The following ADHFE1 variants were observed in gnomAD, a reference collection of about 807,000 sequenced individuals.
The protein encoded by ADHFE1 is hydroxyacid-oxoacid transhydrogenase, mitochondrial.
In ADHFE1, 37 loss-of-function variants were observed where a neutral mutation model predicts 54.8. The ratio of observed to expected loss-of-function variants is 0.68; its 90% CI spans 0.52 to 0.89. The LOEUF is 0.89. ADHFE1 is among the 40% of genes least tolerant of loss of function. ADHFE1 has a pLI of 0.00. For synonymous variants in ADHFE1, 203 were observed against 229.3 expected (o/e 0.89, Z 1.04); for missense variants, 601 against 591.2 (o/e 1.02, Z -0.17).
At position 66,439,577 on chromosome 8, in the gene ADHFE1, G is replaced by T. The variant is rs1173016816; in HGVS notation, c.60-585G>T. 5.1e-6 allele frequency: 5 copies of T among 985,934 alleles called. No individual in the cohort carries two copies. The highest frequency in any genetic ancestry group is 6.0e-6 in the Non-Finnish European group (5 of 830,394). 61.1% of individuals were successfully genotyped at this position (985,934 alleles called of 1,614,324 possible). On this transcript the variant is annotated intron_variant, in intron 1 of 13. Coordinates refer to ENST00000396623, the MANE Select transcript of ADHFE1 (RefSeq NM_144650.3). The surrounding 1 kb of genome is among the most constrained non-coding windows in gnomAD (Gnocchi z 4.4). ...GCTGGGGCCTCTGGGGAGCGGCGCGGCGGGGACGGAGGAGAGCTCGGAGCC... is the reference window on the plus strand; with the variant it reads ...GCTGGGGCCTCTGGGGAGCGGCGCGTCGGGGACGGAGGAGAGCTCGGAGCC...
intron 1 of ADHFE1, among the ~76,000 whole-genome samples, chr8:66,436,334 G>T (rs4737228): frequency 0.1 from 15,237 of 152,202 alleles, 894 homozygotes; most frequent in East Asian, 0.26. Context: ...TACTCACTGA[G>T]AAGGTAATGG....
intron 13 of ADHFE1, among the ~76,000 whole-genome samples, chr8:66,462,494 C>T (rs1225588622): frequency 6.6e-6 from 1 of 152,188 alleles, no homozygotes; most frequent in Non-Finnish European, 1.5e-5. Context: ...TCAAGCAATC[C>T]TCCTGCCTTG....
intron 13 of ADHFE1, among the ~76,000 whole-genome samples, chr8:66,467,680 G>C (rs577827645): frequency 6.6e-6 from 1 of 152,280 alleles, no homozygotes; most frequent in African/African-American, 2.4e-5. Context: ...CTACTGACCA[G>C]AGTATAAATA....
chr8:66,457,245 A>G, intron 12 of ADHFE1, 79 bp downstream of exon 12: 4 of 1,364,510 alleles, frequency 2.9e-6, no homozygotes, highest in Non-Finnish European at 4.1e-6. Flanking sequence ...TTGGGAGGCT[A>G]AGTTGGGTGC....
intron 7 of ADHFE1, 120 bp from the exon 8 acceptor site, chr8:66,448,745 C>T: frequency 1.1e-6 from 1 of 932,802 alleles, no homozygotes; most frequent in South Asian, 1.6e-5. Context: ...TGCCTCACTA[C>T]ATGAAAATGA....
chr8:66,446,072 AC>A (rs1376963198), intron 6 of ADHFE1, among the ~76,000 whole-genome samples: 5 of 152,214 alleles, frequency 3.3e-5, no homozygotes, highest in African/African-American at 1.2e-4. Flanking sequence ...GGTAACTGGG[AC>A]ATATCCTCAG....
At chr8:66,460,496 C>G (rs766929983) in intron 13 of ADHFE1, 31 bp downstream of exon 13, 2 of 1,541,932 alleles carry the variant, frequency 1.3e-6, no homozygotes, top group African/African-American at 1.4e-5. Flanking sequence ...TCACTCCCTG[C>G]GAAGGAGCCT....
At chr8:66,467,445 A>G (rs995950376) in intron 13 of ADHFE1, among the ~76,000 whole-genome samples, 16 of 152,232 alleles carry the variant, frequency 1.1e-4, no homozygotes, top group Middle Eastern at 3.4e-3. Context: ...GCATCTACTT[A>G]CTATGTAAAG....
At chr8:66,449,191 C>T (rs1322014870) in intron 8 of ADHFE1, among the ~76,000 whole-genome samples, 1 of 152,136 alleles carries the variant, frequency 6.6e-6, no homozygotes, top group Non-Finnish European at 1.5e-5. Flanking sequence ...AGGATGGATC[C>T]CCCCCAGCCA....
chr8:66,459,133 G>A (rs771752853), intron 12 of ADHFE1, among the ~76,000 whole-genome samples: 10 of 152,152 alleles, frequency 6.6e-5, no homozygotes, highest in Admixed American at 3.9e-4. Context: ...AAGTAGTCAC[G>A]ATCTCCTTTT....
intron 2 of ADHFE1, among the ~76,000 whole-genome samples, chr8:66,441,253 G>A (rs975630070): frequency 6.6e-6 from 1 of 152,136 alleles, no homozygotes; most frequent in Non-Finnish European, 1.5e-5. Flanking sequence ...TATACAGAGA[G>A]AGAGACAGGG....
intron 13 of ADHFE1, 138 bp downstream of exon 13, chr8:66,460,603 C>A: frequency 6.0e-6 from 6 of 1,004,388 alleles, no homozygotes; most frequent in Non-Finnish European, 7.0e-6. Flanking sequence ...CAGCAGACAG[C>A]AGTTCTGTCC....
Position 66,448,783 on chromosome 8 carries a change from G to C in ADHFE1, c.629-82G>C, listed in dbSNP as rs12544088. ...CTTTTCTCATATTTTTATTTTTAGG[G>C]TGATTTATTATCCTGAAGTCATTTT... is the stretch of plus-strand genomic sequence containing the variant. On this transcript the variant is annotated intron_variant, in intron 7 of 13. Coordinates refer to ENST00000396623, the MANE Select transcript of ADHFE1 (RefSeq NM_144650.3). 0.29 allele frequency: 347,311 copies of C among 1,178,784 alleles called. 55,112 individuals carry two copies. The highest frequency in any genetic ancestry group is 0.45 in the South Asian group (33,610 of 75,146). 73.0% of individuals were successfully genotyped at this position (1,178,784 alleles called of 1,614,324 possible).
intron 13 of ADHFE1, among the ~76,000 whole-genome samples, chr8:66,462,090 A>G (rs1431378311): frequency 1.3e-5 from 2 of 152,238 alleles, no homozygotes; most frequent in African/African-American, 2.4e-5. Flanking sequence ...AGCACAGGCT[A>G]GTAAACATGT....
At chr8:66,450,458 G>T (rs555570555) in intron 8 of ADHFE1, among the ~76,000 whole-genome samples, 1 of 152,356 alleles carries the variant, frequency 6.6e-6, no homozygotes, top group Admixed American at 6.5e-5. Flanking sequence ...GGCCTGTTCT[G>T]AAGGTGGACA....
chr8:66,441,259 C>T (rs1310310648), intron 2 of ADHFE1, among the ~76,000 whole-genome samples: 5 of 152,248 alleles, frequency 3.3e-5, no homozygotes, highest in Middle Eastern at 3.4e-3. Context: ...GAGAGAGAGA[C>T]AGGGTCACCC....
chr8:66,445,730 C>T (rs1252582600), intron 6 of ADHFE1, among the ~76,000 whole-genome samples: 1 of 152,156 alleles, frequency 6.6e-6, no homozygotes. Flanking sequence ...TTAAACTGCT[C>T]TCTGTTTTGT....
chr8:66,456,727 GT>G, intron 10 of ADHFE1, 89 bp from the exon 11 acceptor site: 1 of 951,108 alleles, frequency 1.1e-6, no homozygotes, highest in Middle Eastern at 2.1e-4. Flanking sequence ...TCTAGAGGCC[GT>G]GACAGGCATC....
At chr8:66,460,133 TA>T in intron 12 of ADHFE1, 174 bp from the exon 13 acceptor site, 1 of 707,148 alleles carries the variant, frequency 1.4e-6, no homozygotes, top group Non-Finnish European at 2.4e-6. Context: ...ATGTCAGAGC[TA>T]AGTGAGCTCC....
Sources: gnomAD v4.1 joint callset for allele counts (sites outside exome capture counted in the v4.1 genomes callset) on GRCh38, gnomAD v4.1.1 for gene constraint, Gnocchi (gnomAD v3.1) non-coding constraint, MANE v1.5 for transcripts, NCBI Gene and HGNC (gene_info 2026-07-23, HGNC 2026-07-21) for gene names.